The following SAMD5 variants were observed in gnomAD, a reference collection of about 807,000 sequenced individuals.
SAMD5 encodes sterile alpha motif domain-containing protein 5.
A neutral mutation model predicts 11.3 loss-of-function variants in SAMD5; 13 were observed. The observed-to-expected ratio is 1.15, with a 90% CI of 0.75 to 1.83. SAMD5 has a LOEUF of 1.83. Ranked by LOEUF, SAMD5 falls within the 40% of genes most tolerant of loss-of-function variation. SAMD5 has a pLI of 0.00. For missense variants in SAMD5, 255 were observed against 239.1 expected (o/e 1.07, Z -0.44); for synonymous variants, 129 against 111.3 (o/e 1.16, Z -1.00).
the SAMD5 span, among the ~76,000 whole-genome samples, chr6:147,837,119 T>C: frequency 6.6e-6 from 1 of 152,158 alleles, no homozygotes; most frequent in East Asian, 1.9e-4. Flanking sequence ...GTCTCGATAA[T>C]TATTTTCTTG....
chr6:147,619,586 T>C (rs1302527357), intron 1 of SAMD5, among the ~76,000 whole-genome samples: 1 of 152,228 alleles, frequency 6.6e-6, no homozygotes, highest in Non-Finnish European at 1.5e-5. Context: ...TAAATAGAAT[T>C]GAAGAAGGAA....
chr6:147,603,297 C>T (rs1394191502), intron 1 of SAMD5, among the ~76,000 whole-genome samples: 1 of 152,154 alleles, frequency 6.6e-6, no homozygotes, highest in Non-Finnish European at 1.5e-5. Flanking sequence ...ATAATATTTT[C>T]AGTGCCCTAT....
the SAMD5 span, among the ~76,000 whole-genome samples, chr6:147,764,234 G>C: frequency 1.3e-5 from 2 of 152,082 alleles, no homozygotes; most frequent in Non-Finnish European, 2.9e-5. Context: ...TATTATCTGA[G>C]CTCTCAGATC....
intron 1 of SAMD5, among the ~76,000 whole-genome samples, chr6:147,640,883 C>T (rs944260609): frequency 6.6e-6 from 1 of 152,192 alleles, no homozygotes; most frequent in Non-Finnish European, 1.5e-5. Flanking sequence ...AGATTCTTAT[C>T]TTGTTGCTTA....
the SAMD5 span, among the ~76,000 whole-genome samples, chr6:147,749,291 T>C: frequency 6.6e-6 from 1 of 151,116 alleles, no homozygotes; most frequent in African/African-American, 2.4e-5. Context: ...TGCCTCAGCC[T>C]CCCAAGTAGC....
chr6:147,584,041 T>A (rs9403862), intron 1 of SAMD5, among the ~76,000 whole-genome samples: 2,074 of 151,918 alleles, frequency 0.014, 66 homozygotes, highest in Admixed American at 0.074. Flanking sequence ...TAGAAAAAAA[T>A]ATATATATAG....
the SAMD5 span, among the ~76,000 whole-genome samples, chr6:147,873,686 T>G: frequency 6.6e-6 from 1 of 152,196 alleles, no homozygotes; most frequent in Non-Finnish European, 1.5e-5. Flanking sequence ...AATTTTATAA[T>G]TAGAGAAATT....
At chr6:147,528,091 A>G (rs1788372379) in intron 1 of SAMD5, among the ~76,000 whole-genome samples, 1 of 151,996 alleles carries the variant, frequency 6.6e-6, no homozygotes, top group Admixed American at 6.5e-5. Flanking sequence ...CAACCCCATG[A>G]CCCAATCATC....
chr6:147,609,210 T>A (rs1253984222), intron 1 of SAMD5, among the ~76,000 whole-genome samples: 1 of 151,942 alleles, frequency 6.6e-6, no homozygotes, highest in Non-Finnish European at 1.5e-5. Flanking sequence ...GCCATTAGAG[T>A]GGGCCCTAAT....
chr6:147,679,057 T>C (rs1790904640), intron 1 of SAMD5, among the ~76,000 whole-genome samples: 1 of 152,198 alleles, frequency 6.6e-6, no homozygotes, highest in Non-Finnish European at 1.5e-5. Flanking sequence ...CCACAATTTG[T>C]TTACCCATTC....
chr6:147,916,273 T>A, the SAMD5 span, among the ~76,000 whole-genome samples: 1 of 152,120 alleles, frequency 6.6e-6, no homozygotes, highest in African/African-American at 2.4e-5. Context: ...TACCCAGTAA[T>A]GGGATGGCTG....
At chr6:147,551,525 A>AC (rs1034794537) in intron 1 of SAMD5, among the ~76,000 whole-genome samples, 8 of 151,500 alleles carry the variant, frequency 5.3e-5, no homozygotes, top group African/African-American at 1.9e-4. Flanking sequence ...TTTTTTTTCT[A>AC]CCCCCAATCT....
chr6:147,720,237 G>A (rs528274774), intron 1 of SAMD5, among the ~76,000 whole-genome samples: 15 of 152,252 alleles, frequency 9.9e-5, no homozygotes, highest in Non-Finnish European at 1.8e-4. Context: ...CAGGGCGGGC[G>A]GATCACGAGG....
downstream of SAMD5, among the ~76,000 whole-genome samples, chr6:147,742,062 A>G (rs1791886324): frequency 6.6e-6 from 1 of 152,208 alleles, no homozygotes. Flanking sequence ...CTAAAACCTA[A>G]GAAATTATTT....
At chr6:147,811,494 G>A in the SAMD5 span, among the ~76,000 whole-genome samples, 2 of 152,158 alleles carry the variant, frequency 1.3e-5, no homozygotes, top group South Asian at 2.1e-4. Flanking sequence ...CAGAACAGTA[G>A]CAGTGCTTTA....
At chr6:147,686,751 A>G (rs1266863163) in intron 1 of SAMD5, among the ~76,000 whole-genome samples, 3 of 152,132 alleles carry the variant, frequency 2.0e-5, no homozygotes, top group Non-Finnish European at 4.4e-5. Context: ...TAAAGGAAAA[A>G]GCTTGAGAAG....
chr6:147,811,058 G>A, the SAMD5 span, among the ~76,000 whole-genome samples: 2 of 152,184 alleles, frequency 1.3e-5, no homozygotes, highest in African/African-American at 4.8e-5. Context: ...ACCTAAACCT[G>A]TTTTCTCAAA....
chr6:147,909,867 A>G, the SAMD5 span, among the ~76,000 whole-genome samples: 1 of 152,008 alleles, frequency 6.6e-6, no homozygotes, highest in Non-Finnish European at 1.5e-5. Flanking sequence ...ATGCCCATTC[A>G]GTCTACGGTG....
intron 1 of SAMD5, among the ~76,000 whole-genome samples, chr6:147,697,850 A>C (rs143721263): frequency 8.5e-5 from 13 of 152,310 alleles, no homozygotes; most frequent in African/African-American, 3.1e-4. Context: ...TGTAAGGTTC[A>C]TAAGACCAGA....
Sources: allele counts gnomAD v4.1 joint callset (sites outside exome capture counted in the v4.1 genomes callset), GRCh38; gene constraint gnomAD v4.1.1; transcripts MANE v1.5; gene names NCBI Gene and HGNC (gene_info 2026-07-23, HGNC 2026-07-21).